The following HPSE2 variants were observed in gnomAD, a reference collection of about 807,000 sequenced individuals.
The protein encoded by HPSE2 is heparanase 2 (inactive), also known as inactive heparanase-2.
Under a neutral mutation model 60.5 loss-of-function variants are expected in HPSE2, and 38 were observed. The ratio of observed to expected loss-of-function variants is 0.63; its 90% CI spans 0.48 to 0.82. The LOEUF is 0.82. Ranked by LOEUF, HPSE2 falls within the 40% of genes least tolerant of loss-of-function variation. HPSE2 has a pLI of 0.00. For synonymous variants in HPSE2, 295 were observed against 293.2 expected, an observed-to-expected ratio of 1.01 and a Z score of -0.06; for missense variants, 713 against 740.4, an observed-to-expected ratio of 0.96 and a Z score of 0.43.
At chr10:99,167,030 A>T (rs141850889) in intron 2 of HPSE2, among the ~76,000 whole-genome samples, 20 of 132,688 alleles carry the variant, frequency 1.5e-4, no homozygotes, top group African/African-American at 5.6e-4. Flanking sequence ...TGTTTGTTTG[A>T]GACAGAGTCT....
At chr10:99,272,964 A>G in the HPSE2 span, among the ~76,000 whole-genome samples, 1 of 152,234 alleles carries the variant, frequency 6.6e-6, no homozygotes. Flanking sequence ...AGATACTTGT[A>G]CATGCATGTT....
chr10:98,966,016 G>A (rs899772916), intron 3 of HPSE2, among the ~76,000 whole-genome samples: 1 of 151,948 alleles, frequency 6.6e-6, no homozygotes, highest in Non-Finnish European at 1.5e-5. Flanking sequence ...TCAGCCTCCT[G>A]AGTAGCTGGG....
At chr10:98,620,499 A>G (rs1216576495) in intron 8 of HPSE2, 103 bp downstream of exon 8, 6 of 812,946 alleles carry the variant, frequency 7.4e-6, no homozygotes, top group East Asian at 5.2e-5. Context: ...TCAACGGGAA[A>G]CATGCCTCAC....
At chr10:99,230,722 T>C (rs1349395398) in intron 2 of HPSE2, among the ~76,000 whole-genome samples, 1 of 152,142 alleles carries the variant, frequency 6.6e-6, no homozygotes, top group East Asian at 1.9e-4. Flanking sequence ...TTTCTAAACT[T>C]ATAATGGTCC....
intron 3 of HPSE2, among the ~76,000 whole-genome samples, chr10:98,964,639 T>A (rs1955768287): frequency 6.6e-6 from 1 of 152,154 alleles, no homozygotes; most frequent in Non-Finnish European, 1.5e-5. Context: ...TTTGCAATCT[T>A]CTGCTCTTGT....
Position 99,119,119 on chromosome 10 carries a change from G to GGGAA in HPSE2, c.610+25115_610+25118dup, listed in dbSNP as rs1337475575. 7.1e-4 allele frequency among the ~76,000 whole-genome samples: 107 copies of GGGAA among 150,308 alleles called. No individual in the cohort carries two copies. In the Middle Eastern group the frequency reaches 0.01, roughly 15 times the overall value. On this transcript the variant is annotated intron_variant, in intron 3 of 11. Coordinates refer to ENST00000370552, the MANE Select transcript of HPSE2 (RefSeq NM_021828.5). The stretch of plus-strand genomic sequence containing the variant: ...AGAGAGGGAGGGAGGGAGGGAGGGA[G>GGGAA]GGAAGGAAGGCTGAAATAGGAAGAG...
At chr10:98,757,255 C>T (rs1025318758) in intron 3 of HPSE2, among the ~76,000 whole-genome samples, 7 of 152,082 alleles carry the variant, frequency 4.6e-5, no homozygotes, top group African/African-American at 1.4e-4. Flanking sequence ...GAAGCATTTC[C>T]CTTGAGAACC....
At chr10:98,896,787 G>A (rs561558049) in intron 3 of HPSE2, among the ~76,000 whole-genome samples, 3 of 152,192 alleles carry the variant, frequency 2.0e-5, no homozygotes, top group African/African-American at 7.2e-5. Context: ...TGATCCAATT[G>A]ATATTAAAAG....
At chr10:99,021,563 C>T (rs1186697815) in intron 3 of HPSE2, among the ~76,000 whole-genome samples, 1 of 149,038 alleles carries the variant, frequency 6.7e-6, no homozygotes, top group East Asian at 2.0e-4. Flanking sequence ...GACACAACAG[C>T]AAATAAGAAA....
At chr10:98,713,682 A>G (rs1948727422) in intron 5 of HPSE2, among the ~76,000 whole-genome samples, 1 of 151,978 alleles carries the variant, frequency 6.6e-6, no homozygotes, top group Non-Finnish European at 1.5e-5. Context: ...TGTGGATCCC[A>G]GCATTTCTCA....
chr10:98,605,256 G>A (rs897055948), intron 9 of HPSE2, among the ~76,000 whole-genome samples: 2 of 152,044 alleles, frequency 1.3e-5, no homozygotes, highest in African/African-American at 2.4e-5. Flanking sequence ...TTAGGCTCTG[G>A]GGATAATGAG....
intron 3 of HPSE2, among the ~76,000 whole-genome samples, chr10:98,971,103 G>A (rs577165517): frequency 1.3e-5 from 2 of 152,146 alleles, no homozygotes; most frequent in Non-Finnish European, 2.9e-5. Flanking sequence ...CAGAATTACT[G>A]AAAATAATTA....
At chr10:98,794,583 A>G (rs1176357927) in intron 3 of HPSE2, among the ~76,000 whole-genome samples, 1 of 151,830 alleles carries the variant, frequency 6.6e-6, no homozygotes, top group African/African-American at 2.4e-5. Context: ...AGTTCCTAAT[A>G]TTTTCTTGTC....
intron 3 of HPSE2, among the ~76,000 whole-genome samples, chr10:99,011,760 A>AAG: frequency 6.6e-6 from 1 of 151,316 alleles, no homozygotes; most frequent in East Asian, 1.9e-4. Context: ...ATCTCAAAAA[A>AAG]AAAAAAAAAA....
intron 9 of HPSE2, among the ~76,000 whole-genome samples, chr10:98,605,645 G>A (rs1480600854): frequency 1.3e-5 from 2 of 152,166 alleles, no homozygotes; most frequent in Non-Finnish European, 2.9e-5. Flanking sequence ...CAGGCAGTGA[G>A]ATACACCACT....
chr10:99,306,276 C>G, the HPSE2 span, among the ~76,000 whole-genome samples: 17 of 152,032 alleles, frequency 1.1e-4, no homozygotes, highest in African/African-American at 3.9e-4. Flanking sequence ...TCAAGCCCTC[C>G]TCCTCCATTT....
intron 3 of HPSE2, among the ~76,000 whole-genome samples, chr10:99,118,714 A>G (rs1240738892): frequency 6.6e-6 from 1 of 151,828 alleles, no homozygotes; most frequent in Non-Finnish European, 1.5e-5. Flanking sequence ...CAGGCAAGAG[A>G]AAGAAATAAA....
At chr10:98,869,321 T>A (rs1589978636) in intron 3 of HPSE2, among the ~76,000 whole-genome samples, 2 of 152,300 alleles carry the variant, frequency 1.3e-5, no homozygotes, top group East Asian at 1.9e-4. Flanking sequence ...GACTTGAAAC[T>A]CTTTTCATTA....
At chr10:98,802,309 TTGAG>T (rs1950930224) in intron 3 of HPSE2, among the ~76,000 whole-genome samples, 2 of 151,604 alleles carry the variant, frequency 1.3e-5, no homozygotes, top group African/African-American at 4.8e-5. Context: ...TATTTTTTTT[TTGAG>T]TTAATTTTTT....
Sources: allele counts gnomAD v4.1 joint callset (sites outside exome capture counted in the v4.1 genomes callset), GRCh38; gene constraint gnomAD v4.1.1; transcripts MANE v1.5; gene names NCBI Gene and HGNC (gene_info 2026-07-23, HGNC 2026-07-21).